RBFOX3: variants seen among roughly 807,000 people sequenced by gnomAD.
RBFOX3 encodes RNA binding fox-1 homolog 3.
In RBFOX3, 17 loss-of-function variants were observed where a neutral mutation model predicts 48.7. The observed-to-expected ratio is 0.35, with a 90% CI of 0.24 to 0.52. The LOEUF (loss-of-function observed/expected upper bound fraction) is 0.52. RBFOX3 is among the 20% of genes least tolerant of loss of function. The pLI is 0.94. For synonymous variants in RBFOX3, 212 were observed against 209.5 expected (o/e 1.01, Z -0.10); for missense variants, 382 against 497.5 (o/e 0.77, Z 2.21).
chr17:79,332,915 GAGGCAGAAAGAC>G (rs2080597841), intron 2 of RBFOX3, among the ~76,000 whole-genome samples: 1 of 91,748 alleles, frequency 1.1e-5, no homozygotes, highest in Non-Finnish European at 2.1e-5. Context: ...GAGAGAGACA[GAGGCAGAAAGAC>G]AGATAGACAG....
chr17:79,303,773 G>A (rs2075675477), intron 3 of RBFOX3, among the ~76,000 whole-genome samples: 1 of 152,076 alleles, frequency 6.6e-6, no homozygotes, highest in Admixed American at 6.5e-5. Flanking sequence ...CACACACTAG[G>A]TGCACGTACG....
chr17:79,251,995 G>A (rs1350116087), intron 3 of RBFOX3, among the ~76,000 whole-genome samples: 1 of 152,180 alleles, frequency 6.6e-6, no homozygotes, highest in Non-Finnish European at 1.5e-5. Flanking sequence ...CTCACCTGGA[G>A]ACCAGGTGGC....
In RBFOX3 at chr17:79,136,804, C is replaced by A. The variant is rs183673122; in HGVS notation, c.-33-21056G>T. On this transcript the variant is annotated intron_variant, in intron 4 of 14. Coordinates refer to ENST00000693108, the MANE Select transcript of RBFOX3 (RefSeq NM_001350451.2). ...CTCTCATCTGAGCCTGCTCTGCTCC[C>A]ATCAATCAGTAGCAAGCTCCTCCTG... 2.2e-4 allele frequency among the ~76,000 whole-genome samples: 34 copies of A among 152,298 alleles called. No individual in the cohort carries two copies. The East Asian group carries it at 6.0e-3, about 27-fold the overall frequency.
Position 79,477,653 on chromosome 17 carries a change from G to A in RBFOX3, c.-175+4801C>T, listed in dbSNP as rs907755686. On this transcript the variant is annotated intron_variant, in intron 2 of 14. Coordinates refer to ENST00000693108, the MANE Select transcript of RBFOX3 (RefSeq NM_001350451.2). This position sits in a 1 kb window ranked among gnomAD's most constrained non-coding sequence, Gnocchi z 4.8. ...CTTGTCTCATGTCCTCTTTCTCACA[G>A]GGACATCCTCAGAGCTTGCTCTGGT... Among the ~76,000 whole-genome samples, 3 of 152,170 alleles carry A rather than the reference G, an allele frequency of 2.0e-5. No homozygotes were observed. The highest frequency in any genetic ancestry group is 4.4e-5 in the Non-Finnish European group (3 of 68,026).
intron 1 of RBFOX3, among the ~76,000 whole-genome samples, chr17:79,582,994 A>T (rs1216322041): frequency 2.6e-5 from 4 of 152,082 alleles, no homozygotes; most frequent in Non-Finnish European, 5.9e-5. Context: ...CTTCCCACAG[A>T]TGTGCCACAT....
chr17:79,303,495 G>A (rs2075632670), intron 3 of RBFOX3, among the ~76,000 whole-genome samples: 1 of 151,800 alleles, frequency 6.6e-6, no homozygotes, highest in Non-Finnish European at 1.5e-5. Context: ...CAGGGATTTG[G>A]GTCTCTTTTA....
intron 2 of RBFOX3, among the ~76,000 whole-genome samples, chr17:79,427,002 C>A (rs1278279699): frequency 6.6e-6 from 1 of 152,204 alleles, no homozygotes; most frequent in African/African-American, 2.4e-5. Context: ...CCACACCCAG[C>A]CCCGGAGTCC....
the RBFOX3 span, among the ~76,000 whole-genome samples, chr17:79,649,010 A>C: frequency 2.2e-5 from 3 of 137,266 alleles, no homozygotes; most frequent in Non-Finnish European, 3.1e-5. Context: ...ACATAGTCTC[A>C]CTCTGTAACC....
intron 2 of RBFOX3, among the ~76,000 whole-genome samples, chr17:79,374,255 G>A (rs879540716): frequency 1.3e-5 from 2 of 152,202 alleles, no homozygotes; most frequent in Admixed American, 6.5e-5. Context: ...GAGTGGGCGT[G>A]AGAGAAGTAA....
chr17:79,403,087 G>A (rs2063022262), intron 2 of RBFOX3, among the ~76,000 whole-genome samples: 1 of 152,224 alleles, frequency 6.6e-6, no homozygotes, highest in African/African-American at 2.4e-5. Flanking sequence ...CAGTGGCCTT[G>A]CTGGGAGAGG....
the RBFOX3 span, among the ~76,000 whole-genome samples, chr17:79,660,359 C>T: frequency 6.6e-6 from 1 of 152,226 alleles, no homozygotes; most frequent in East Asian, 1.9e-4. Flanking sequence ...AGAGTGAACA[C>T]ACAACCTACA....
intron 4 of RBFOX3, among the ~76,000 whole-genome samples, chr17:79,155,956 G>A (rs775516281): frequency 9.2e-5 from 14 of 152,200 alleles, no homozygotes; most frequent in South Asian, 4.1e-4. Context: ...TCCCAGGTGC[G>A]TAGCAGCAGG....
chr17:79,389,658 C>G (rs1202452301), intron 2 of RBFOX3, among the ~76,000 whole-genome samples: 1 of 152,210 alleles, frequency 6.6e-6, no homozygotes, highest in Non-Finnish European at 1.5e-5. Flanking sequence ...TCCAGACTGC[C>G]TGACTCCAGA....
chr17:79,144,079 C>A (rs1294242199), intron 4 of RBFOX3, among the ~76,000 whole-genome samples: 1 of 152,348 alleles, frequency 6.6e-6, no homozygotes, highest in Non-Finnish European at 1.5e-5. Flanking sequence ...ACAGGCCCGG[C>A]ACTGGCATCG....
intron 1 of RBFOX3, among the ~76,000 whole-genome samples, chr17:79,573,860 T>C (rs1050445242): frequency 2.0e-5 from 3 of 152,188 alleles, no homozygotes. Context: ...GTTCACCAGC[T>C]GGAGAAAGAC....
intron 1 of RBFOX3, among the ~76,000 whole-genome samples, chr17:79,528,189 A>G (rs966242965): frequency 8.6e-5 from 13 of 151,652 alleles, no homozygotes; most frequent in Non-Finnish European, 1.3e-4. Flanking sequence ...CCTCTGAGGT[A>G]TCTCTGAGGA....
intron 4 of RBFOX3, chr17:79,183,348 G>C (rs1246048306): frequency 6.6e-6 from 1 of 152,476 alleles, no homozygotes; most frequent in Non-Finnish European, 1.5e-5. Flanking sequence ...GGCAGCCCGA[G>C]TTCGCCATGG....
chr17:79,554,600 G>T (rs964204120), intron 1 of RBFOX3, among the ~76,000 whole-genome samples: 6 of 152,246 alleles, frequency 3.9e-5, no homozygotes, highest in Admixed American at 3.9e-4. Context: ...TCCCCAGCAG[G>T]CTGGGCTCCT....
intron 3 of RBFOX3, among the ~76,000 whole-genome samples, chr17:79,267,745 A>T (rs994247204): frequency 6.6e-6 from 1 of 152,104 alleles, no homozygotes. Flanking sequence ...GTTGTCTGGG[A>T]CCTTGGCTGA....
Sources: allele counts gnomAD v4.1 joint callset (sites outside exome capture counted in the v4.1 genomes callset), GRCh38; gene constraint gnomAD v4.1.1; non-coding constraint Gnocchi (gnomAD v3.1); transcripts MANE v1.5; gene names NCBI Gene and HGNC (gene_info 2026-07-23, HGNC 2026-07-21).